Variants in AGBL4 observed in about 807,000 individuals in gnomAD.
AGBL4 encodes cytosolic carboxypeptidase 6.
Under a neutral mutation model 66.4 loss-of-function variants are expected in AGBL4, and 58 were observed. The observed-to-expected ratio is 0.87, with a 90% confidence interval of 0.71 to 1.09. The LOEUF (loss-of-function observed/expected upper bound fraction) is 1.09, where lower values mean the gene tolerates loss of function less well. Ranked by LOEUF, AGBL4 falls within the 50% of genes least tolerant of loss-of-function variation. The probability of loss-of-function intolerance (pLI) is 0.00; values close to 1 mark genes in which losing one functional copy is unlikely to be tolerated. For missense variants in AGBL4, 579 were observed against 631.0 expected, an observed-to-expected ratio of 0.92 and a Z score of 0.88; for synonymous variants, 234 against 222.9, an observed-to-expected ratio of 1.05 and a Z score of -0.44.
intron 3 of AGBL4, among the ~76,000 whole-genome samples, chr1:49,294,788 C>T (rs985120327): frequency 3.9e-5 from 6 of 152,234 alleles, no homozygotes; most frequent in African/African-American, 1.2e-4. Context: ...TCATTTCCTC[C>T]GAGGAGCTTT....
intron 3 of AGBL4, among the ~76,000 whole-genome samples, chr1:49,659,433 C>T (rs1208052121): frequency 6.6e-6 from 1 of 151,962 alleles, no homozygotes; most frequent in Non-Finnish European, 1.5e-5. Flanking sequence ...CATGCAGGCT[C>T]AAAATAAAGG....
chr1:49,156,037 CTAAG>C lies in AGBL4; in HGVS notation c.377+89729_377+89732del, dbSNP rs776738462. Among the ~76,000 whole-genome samples, 4 of 152,302 alleles carry C rather than the reference CTAAG, an allele frequency of 2.6e-5. No individual in the cohort carries two copies. In the South Asian group the frequency reaches 8.3e-4, roughly 32 times the overall value. On this transcript the variant is annotated intron_variant, in intron 4 of 13. Transcript: ENST00000371839. Reference sequence around the variant, plus strand: ...TCATCAGACGTTTATTGAATACCAACTAAGTGTCAGGCCCTATGCTGAATCTCTG... The same window carrying C: ...TCATCAGACGTTTATTGAATACCAACTGTCAGGCCCTATGCTGAATCTCTG...
At chr1:48,931,518 C>T (rs1655032952) in intron 5 of AGBL4, among the ~76,000 whole-genome samples, 1 of 151,978 alleles carries the variant, frequency 6.6e-6, no homozygotes, top group Non-Finnish European at 1.5e-5. Context: ...CTTTCTTTCT[C>T]TTTCTCTCTC....
intron 3 of AGBL4, among the ~76,000 whole-genome samples, chr1:49,543,306 G>C (rs1177212428): frequency 6.6e-6 from 1 of 152,090 alleles, no homozygotes; most frequent in African/African-American, 2.4e-5. Flanking sequence ...GAATTGACTG[G>C]CAGGGAACCT....
At chr1:48,900,108 T>G (rs1651940637) in intron 5 of AGBL4, among the ~76,000 whole-genome samples, 1 of 152,048 alleles carries the variant, frequency 6.6e-6, no homozygotes, top group Admixed American at 6.6e-5. Flanking sequence ...CAGCTTGTAT[T>G]AAGGCTCTGA....
chr1:50,009,485 A>C (rs981668491), intron 1 of AGBL4, among the ~76,000 whole-genome samples: 3 of 151,948 alleles, frequency 2.0e-5, no homozygotes, highest in Admixed American at 6.6e-5. Context: ...AAAAAAAAAA[A>C]CTCAAAAAAC....
chr1:48,795,120 C>T (rs1645640562), intron 6 of AGBL4, among the ~76,000 whole-genome samples: 1 of 152,172 alleles, frequency 6.6e-6, no homozygotes, highest in Non-Finnish European at 1.5e-5. Flanking sequence ...TATCCTAGTT[C>T]AATTTTTATT....
chr1:50,009,640 A>G (rs752257690), intron 1 of AGBL4, among the ~76,000 whole-genome samples: 3 of 152,116 alleles, frequency 2.0e-5, no homozygotes, highest in South Asian at 2.1e-4. Context: ...GTTATTCAAC[A>G]TAGTAATGAA....
At chr1:49,557,159 G>A (rs1269092945) in intron 3 of AGBL4, among the ~76,000 whole-genome samples, 2 of 152,102 alleles carry the variant, frequency 1.3e-5, no homozygotes, top group Non-Finnish European at 2.9e-5. Flanking sequence ...GTCTCCCACA[G>A]TGCAGAGGCG....
At chr1:49,473,956 T>C (rs2148716269) in intron 3 of AGBL4, among the ~76,000 whole-genome samples, 1 of 152,206 alleles carries the variant, frequency 6.6e-6, no homozygotes, top group East Asian at 1.9e-4. Context: ...GGCAGGTTTA[T>C]TTCAGAGGTC....
chr1:48,908,837 T>G (rs1652840531), intron 5 of AGBL4, among the ~76,000 whole-genome samples: 1 of 152,180 alleles, frequency 6.6e-6, no homozygotes, highest in Non-Finnish European at 1.5e-5. Flanking sequence ...TTCTCATCAT[T>G]TTTGGTATTT....
chr1:48,610,193 C>T (rs1282645837), intron 9 of AGBL4, among the ~76,000 whole-genome samples: 1 of 152,200 alleles, frequency 6.6e-6, no homozygotes, highest in Non-Finnish European at 1.5e-5. Flanking sequence ...TACGTTGTAC[C>T]ACAATAATCC....
intron 3 of AGBL4, among the ~76,000 whole-genome samples, chr1:49,288,890 T>C (rs1181639102): frequency 2.6e-5 from 4 of 152,098 alleles, no homozygotes; most frequent in African/African-American, 9.7e-5. Context: ...AAAAAAAAAT[T>C]AAATCCTCTC....
At chr1:49,038,199 TTAA>T (rs1346497451) in intron 5 of AGBL4, among the ~76,000 whole-genome samples, 2 of 152,060 alleles carry the variant, frequency 1.3e-5, no homozygotes, top group African/African-American at 2.4e-5. Context: ...TGGTAGGTAT[TTAA>T]TAATAATAAT....
At chr1:48,584,632 C>CA (rs1644790282) in intron 11 of AGBL4, 5 of 152,548 alleles carry the variant, frequency 3.3e-5, no homozygotes, top group Admixed American at 3.3e-4. Flanking sequence ...AGGGGAATCG[C>CA]TTGAACCCAG....
At chr1:49,078,909 A>T (rs1041537609) in intron 4 of AGBL4, among the ~76,000 whole-genome samples, 2 of 152,162 alleles carry the variant, frequency 1.3e-5, no homozygotes, top group African/African-American at 4.8e-5. Context: ...TACATTAAAA[A>T]TTCAAGGCAA....
At chr1:49,592,069 A>G (rs1271320547) in intron 3 of AGBL4, among the ~76,000 whole-genome samples, 1 of 152,222 alleles carries the variant, frequency 6.6e-6, no homozygotes, top group Non-Finnish European at 1.5e-5. Flanking sequence ...AATTGCAACA[A>G]AAACAAAAAT....
At chr1:48,898,626 T>C (rs1651769926) in intron 5 of AGBL4, among the ~76,000 whole-genome samples, 1 of 145,620 alleles carries the variant, frequency 6.9e-6, no homozygotes, top group Non-Finnish European at 1.5e-5. Flanking sequence ...GGATTCTCTA[T>C]TCTGTTTCAT....
At chr1:48,619,706 T>A (rs1645378172) in intron 9 of AGBL4, among the ~76,000 whole-genome samples, 1 of 152,178 alleles carries the variant, frequency 6.6e-6, no homozygotes, top group Non-Finnish European at 1.5e-5. Flanking sequence ...CCTGAGTAAG[T>A]CAATCCTCCC....
Sources: gnomAD v4.1 joint callset for allele counts (sites outside exome capture counted in the v4.1 genomes callset) on GRCh38, gnomAD v4.1.1 for gene constraint, MANE v1.5 for transcripts, NCBI Gene and HGNC (gene_info 2026-07-23, HGNC 2026-07-21) for gene names.